The following FAM135B variants were observed in gnomAD, a reference collection of about 807,000 sequenced individuals.
The protein encoded by FAM135B is protein FAM135B.
A neutral mutation model predicts 127.7 loss-of-function variants in FAM135B; 43 were observed. The ratio of observed to expected loss-of-function variants is 0.34; its 90% CI spans 0.26 to 0.43. The LOEUF (loss-of-function observed/expected upper bound fraction) is 0.43, where lower values mean the gene tolerates loss of function less well. FAM135B is among the 20% of genes least tolerant of loss of function. The pLI is 1.00. For synonymous variants in FAM135B, 670 were observed against 665.1 expected (o/e 1.01, Z -0.11); for missense variants, 1,558 against 1,725.6 (o/e 0.90, Z 1.72).
intron 9 of FAM135B, among the ~76,000 whole-genome samples, chr8:138,179,022 G>A (rs1814751467): frequency 6.6e-6 from 1 of 152,100 alleles, no homozygotes; most frequent in Admixed American, 6.5e-5. Flanking sequence ...TGTATGTTCT[G>A]AGTACAGCTT....
At chr8:138,202,546 A>G (rs139094376) in intron 7 of FAM135B, among the ~76,000 whole-genome samples, 91 of 152,244 alleles carry the variant, frequency 6.0e-4, no homozygotes, top group African/African-American at 2.0e-3. Flanking sequence ...GCCATGCCCA[A>G]TTAGTCTTCG....
rs777129889 is a variant in FAM135B, at chr8:138,243,012, T to C, written c.599A>G (p.Gln200Arg). 1.2e-6 allele frequency: 2 copies of C among 1,613,894 alleles called. No individual in the cohort carries two copies. The highest frequency in any genetic ancestry group is 2.7e-5 in the African/African-American group (2 of 74,930). Residue 200 changes from glutamine to arginine, a missense_variant, in exon 7 of 20, where the codon CAA becomes CGA. Physicochemically the swap from Gln to Arg is conservative, Grantham distance 43. This residue lies in a region of FAM135B where 127 missense variants were observed against 109.7 expected (regional missense o/e 1.16). Coordinates refer to ENST00000395297, the MANE Select transcript of FAM135B (RefSeq NM_015912.4). This position sits in a 1 kb window ranked among gnomAD's most constrained non-coding sequence, Gnocchi z 7.5. ...TTCCAGAGAAATGATAGACTGTTCTTGTCCGGTGTCTGGGCCACCTTTACC... is the reference window on the plus strand; with the variant it reads ...TTCCAGAGAAATGATAGACTGTTCTCGTCCGGTGTCTGGGCCACCTTTACC... ...WLGKGGPDTG[Q>R]EQSIISLENL...
intron 2 of FAM135B, among the ~76,000 whole-genome samples, chr8:138,355,200 C>T (rs1228336052): frequency 6.6e-6 from 1 of 152,076 alleles, no homozygotes; most frequent in Non-Finnish European, 1.5e-5. Flanking sequence ...ACCATTTGAC[C>T]CAGCCATCCC....
intron 2 of FAM135B, among the ~76,000 whole-genome samples, chr8:138,336,610 A>G (rs1023859431): frequency 1.3e-5 from 2 of 152,216 alleles, no homozygotes; most frequent in African/African-American, 4.8e-5. Context: ...TTGAGGCAAT[A>G]ACTAATAGCT....
intron 3 of FAM135B, among the ~76,000 whole-genome samples, chr8:138,306,542 G>A (rs1826274434): frequency 6.7e-6 from 1 of 150,138 alleles, no homozygotes; most frequent in Non-Finnish European, 1.5e-5. Context: ...GGGTCCACAG[G>A]AATGCAGCAA....
chr8:138,249,823 A>G (rs1205040099), intron 6 of FAM135B, among the ~76,000 whole-genome samples: 1 of 152,246 alleles, frequency 6.6e-6, no homozygotes, highest in African/African-American at 2.4e-5. Flanking sequence ...ATGCTGCAAC[A>G]TTCTACGCAT....
intron 1 of FAM135B, chr8:138,450,382 T>C (rs1193093182): frequency 2.6e-5 from 4 of 152,220 alleles, no homozygotes; most frequent in Admixed American, 6.5e-5. Context: ...ACTTGTTGGA[T>C]TGCCTGTAAG....
At chr8:138,253,900 G>A (rs144283585) in intron 5 of FAM135B, among the ~76,000 whole-genome samples, 230 of 152,254 alleles carry the variant, frequency 1.5e-3, no homozygotes, top group African/African-American at 5.2e-3. Context: ...CTCAATTTAT[G>A]AAAATTAAAA....
intron 7 of FAM135B, among the ~76,000 whole-genome samples, chr8:138,210,970 A>G (rs1448124312): frequency 6.6e-6 from 1 of 152,162 alleles, no homozygotes; most frequent in Non-Finnish European, 1.5e-5. Flanking sequence ...TTCTGTCTCA[A>G]AATTGGACCA....
At chr8:138,203,323 T>C (rs931478361) in intron 7 of FAM135B, among the ~76,000 whole-genome samples, 2 of 152,134 alleles carry the variant, frequency 1.3e-5, no homozygotes, top group African/African-American at 4.8e-5. Flanking sequence ...CCCTCTGGTC[T>C]TCCTGAATGG....
intron 7 of FAM135B, among the ~76,000 whole-genome samples, chr8:138,212,614 C>T (rs1321129610): frequency 6.6e-6 from 1 of 152,200 alleles, no homozygotes; most frequent in East Asian, 1.9e-4. Flanking sequence ...GAAGTCAACA[C>T]ATCATTCCAG....
intron 1 of FAM135B, among the ~76,000 whole-genome samples, chr8:138,475,339 T>C (rs1177688819): frequency 6.6e-6 from 1 of 152,174 alleles, no homozygotes; most frequent in Non-Finnish European, 1.5e-5. Context: ...TCAGATCTCA[T>C]GAATTCAGCT....
At chr8:138,321,394 T>C (rs1194429448) in intron 2 of FAM135B, among the ~76,000 whole-genome samples, 2 of 152,172 alleles carry the variant, frequency 1.3e-5, no homozygotes, top group Non-Finnish European at 2.9e-5. Context: ...GTTTCAGGGA[T>C]GCCTGCGGGA....
chr8:138,271,234 GAC>G (rs1054065341), intron 3 of FAM135B, among the ~76,000 whole-genome samples: 1 of 152,092 alleles, frequency 6.6e-6, no homozygotes. Context: ...TCAAATTGGT[GAC>G]ACATCAATAA....
rs2130627051 is a variant in FAM135B at position 138,143,101 on chromosome 8, T to A, written c.3549A>T (p.Thr1183=). 6.3e-7 allele frequency: 1 copy of A among 1,589,678 alleles called. No individual in the cohort carries two copies. The highest frequency in any genetic ancestry group is 8.6e-7 in the Non-Finnish European group (1 of 1,157,924). ...FLMSEKNQMD[T]FADFDTMTDR... Reference sequence around the variant, plus strand: ...CCGTCATAGTATCAAAATCTGCAAATGTGTCCATCTGGAAGAAGAGAGAGG... The same window carrying A: ...CCGTCATAGTATCAAAATCTGCAAAAGTGTCCATCTGGAAGAAGAGAGAGG... The change falls in exon 16 of 20, where the codon ACA becomes ACT. Residue 1183 remains threonine, a synonymous_variant. Coordinates refer to ENST00000395297, the MANE Select transcript of FAM135B (RefSeq NM_015912.4).
intron 3 of FAM135B, among the ~76,000 whole-genome samples, chr8:138,278,852 G>A (rs1036514659): frequency 7.2e-5 from 11 of 152,072 alleles, no homozygotes; most frequent in African/African-American, 2.4e-4. Flanking sequence ...CAGGGTTGTT[G>A]TGAGTATCAA....
intron 12 of FAM135B, among the ~76,000 whole-genome samples, chr8:138,162,770 T>C (rs1819521542): frequency 1.3e-5 from 2 of 152,208 alleles, no homozygotes; most frequent in African/African-American, 4.8e-5. Flanking sequence ...CCAGCTTTGG[T>C]TCATTCCCAC....
In FAM135B at chr8:138,189,699, G is replaced by A. The variant is rs184573993; in HGVS notation, c.873+5559C>T. ...CCTCCTGTGAGGGGTTGAGCTCAAT[G>A]GGTTTGAGTGAGTGGAGTTTGCCCC... On this transcript the variant is annotated intron_variant, in intron 9 of 19. Transcript: ENST00000395297. Among the ~76,000 whole-genome samples, 100 of 152,262 alleles carry A rather than the reference G, an allele frequency of 6.6e-4. 1 individual carries two copies. The highest frequency in any genetic ancestry group is 1.5e-3 in the Admixed American group (23 of 15,304).
intron 2 of FAM135B, among the ~76,000 whole-genome samples, chr8:138,342,629 T>C (rs756081459): frequency 6.6e-6 from 1 of 152,196 alleles, no homozygotes; most frequent in Non-Finnish European, 1.5e-5. Flanking sequence ...AAACTTCACG[T>C]ATGGCATAAT....
Sources: allele counts gnomAD v4.1 joint callset (sites outside exome capture counted in the v4.1 genomes callset), GRCh38; gene constraint gnomAD v4.1.1; regional missense constraint gnomAD v4.1.1; non-coding constraint Gnocchi (gnomAD v3.1); transcripts MANE v1.5; gene names NCBI Gene and HGNC (gene_info 2026-07-23, HGNC 2026-07-21).